Variants in FBXL17 observed in about 807,000 individuals in gnomAD.
FBXL17 encodes F-box/LRR-repeat protein 17.
A neutral mutation model predicts 66.2 loss-of-function variants in FBXL17; 22 were observed. The observed-to-expected ratio is 0.33, with a 90% CI of 0.24 to 0.47. The LOEUF (loss-of-function observed/expected upper bound fraction) is 0.47. Among genes scored for constraint, FBXL17 ranks in the 20% least tolerant of loss-of-function variants. The probability of loss-of-function intolerance (pLI) is 1.00; values close to 1 mark genes in which losing one functional copy is unlikely to be tolerated. For synonymous variants in FBXL17, 474 were observed against 400.5 expected (o/e 1.18, Z -2.19); for missense variants, 878 against 948.2 (o/e 0.93, Z 0.97).
At chr5:108,257,654 T>C (rs1185845445) in intron 4 of FBXL17, among the ~76,000 whole-genome samples, 1 of 152,144 alleles carries the variant, frequency 6.6e-6, no homozygotes, top group Non-Finnish European at 1.5e-5. Flanking sequence ...GACTAAATCC[T>C]TTCCAGGTTC....
intron 6 of FBXL17, among the ~76,000 whole-genome samples, chr5:108,033,080 CT>C (rs1430858751): frequency 1.3e-5 from 2 of 152,128 alleles, no homozygotes; most frequent in Non-Finnish European, 2.9e-5. Flanking sequence ...TCATTTTCCT[CT>C]GATATAATGG....
At position 108,149,828 on chromosome 5, in the gene FBXL17, CTTGA is replaced by C. The variant is rs373024827; in HGVS notation, c.1745+36285_1745+36288del. On this transcript the variant is annotated intron_variant, in intron 6 of 8. Coordinates refer to ENST00000542267, the MANE Select transcript of FBXL17 (RefSeq NM_001163315.3). ...ATGTTTTTAAAATATTCCTTTTTAC[CTTGA>C]TTATTTTTCTGCTCCTAAATCCAAT... 4.7e-4 allele frequency among the ~76,000 whole-genome samples: 72 copies of C among 152,004 alleles called. 1 individual carries two copies. The South Asian group carries it at 0.013, about 27-fold the overall frequency.
At chr5:107,882,103 C>A (rs375419562) in intron 7 of FBXL17, among the ~76,000 whole-genome samples, 64 of 152,292 alleles carry the variant, frequency 4.2e-4, no homozygotes, top group African/African-American at 1.4e-3. Flanking sequence ...TTATGGTGCA[C>A]TGGTTTGTGA....
chr5:108,103,803 G>A (rs1054785348), intron 6 of FBXL17, among the ~76,000 whole-genome samples: 2 of 152,096 alleles, frequency 1.3e-5, no homozygotes, highest in Non-Finnish European at 2.9e-5. Context: ...CGTAGTTTTT[G>A]TATTGACTAC....
intron 6 of FBXL17, among the ~76,000 whole-genome samples, chr5:108,150,639 T>C (rs985193555): frequency 1.3e-5 from 2 of 152,246 alleles, no homozygotes; most frequent in African/African-American, 4.8e-5. Flanking sequence ...TCTGTATCAG[T>C]TGTCTTGTGG....
chr5:108,022,884 C>T (rs1471210051), intron 6 of FBXL17, among the ~76,000 whole-genome samples: 1 of 151,928 alleles, frequency 6.6e-6, no homozygotes, highest in Non-Finnish European at 1.5e-5. Flanking sequence ...AAAGACTGTC[C>T]TAAAAACTGA....
intron 6 of FBXL17, among the ~76,000 whole-genome samples, chr5:108,053,080 A>G (rs1397166392): frequency 6.6e-6 from 1 of 152,248 alleles, no homozygotes; most frequent in African/African-American, 2.4e-5. Context: ...TGTAAAACCC[A>G]AAACCATAAA....
At chr5:108,137,864 G>C (rs1326563905) in intron 6 of FBXL17, among the ~76,000 whole-genome samples, 1 of 152,162 alleles carries the variant, frequency 6.6e-6, no homozygotes, top group African/African-American at 2.4e-5. Flanking sequence ...TGGATGAGTT[G>C]CTAAGAAATA....
chr5:107,975,457 CTTA>C lies in FBXL17; in HGVS notation c.1822+45465_1822+45467del, dbSNP rs573231108. The stretch of plus-strand genomic sequence containing the variant: ...ATTTTCACATCTCACATACCATCAG[CTTA>C]TAATGTATTTCCATTAAAAGCTATC... On this transcript the variant is annotated intron_variant, in intron 7 of 8. Transcript: ENST00000542267. Among the ~76,000 whole-genome samples, 51 of 152,304 alleles carry C rather than the reference CTTA, an allele frequency of 3.3e-4. 2 individuals are homozygous for C. In the South Asian group the frequency reaches 0.01, roughly 31 times the overall value.
intron 6 of FBXL17, among the ~76,000 whole-genome samples, chr5:108,083,250 C>CACACACACACAGAG (rs369652150): frequency 8.9e-5 from 13 of 145,582 alleles, no homozygotes; most frequent in Non-Finnish European, 1.8e-4. Context: ...CACACACACA[C>CACACACACACAGAG]AGAGAGAGAG....
At chr5:107,880,230 G>T in intron 8 of FBXL17, 1 of 345,490 alleles carries the variant, frequency 2.9e-6, no homozygotes, top group Non-Finnish European at 4.1e-6. Context: ...ATTATGCCTG[G>T]CTAATTTTTT....
intron 4 of FBXL17, among the ~76,000 whole-genome samples, chr5:108,344,821 T>C (rs1747149309): frequency 6.6e-6 from 1 of 152,230 alleles, no homozygotes. Flanking sequence ...AAAATAGCTT[T>C]GTGGCATGCA....
At chr5:107,994,970 C>A (rs931637292) in intron 7 of FBXL17, among the ~76,000 whole-genome samples, 19 of 152,140 alleles carry the variant, frequency 1.2e-4, no homozygotes, top group Admixed American at 5.2e-4. Flanking sequence ...ATACTGGTTA[C>A]CCTCGGGGTA....
intron 7 of FBXL17, among the ~76,000 whole-genome samples, chr5:107,991,679 T>A (rs551760178): frequency 1.3e-5 from 2 of 152,342 alleles, no homozygotes; most frequent in Non-Finnish European, 2.9e-5. Context: ...TATTCATCCC[T>A]CCTATTCCCC....
chr5:108,200,643 T>C (rs961611292), intron 5 of FBXL17, among the ~76,000 whole-genome samples: 3 of 151,764 alleles, frequency 2.0e-5, no homozygotes, highest in African/African-American at 7.3e-5. Flanking sequence ...AACCAAGCAT[T>C]TCCTCTGGTG....
chr5:107,876,080 C>G (rs533464339), intron 8 of FBXL17, among the ~76,000 whole-genome samples: 1 of 152,326 alleles, frequency 6.6e-6, no homozygotes, highest in East Asian at 1.9e-4. Flanking sequence ...AGTAACGTGG[C>G]CCTCACAGCC....
chr5:108,263,508 A>G (rs1288036337), intron 4 of FBXL17, among the ~76,000 whole-genome samples: 1 of 152,200 alleles, frequency 6.6e-6, no homozygotes, highest in Non-Finnish European at 1.5e-5. Context: ...TTTACATTCA[A>G]TGAAATACTT....
intron 5 of FBXL17, among the ~76,000 whole-genome samples, chr5:108,189,087 T>G (rs1332643486): frequency 6.6e-6 from 1 of 152,156 alleles, no homozygotes; most frequent in African/African-American, 2.4e-5. Context: ...CAACATCTTT[T>G]ATGAACAGGA....
chr5:108,140,295 C>A (rs1329920166), intron 6 of FBXL17, among the ~76,000 whole-genome samples: 1 of 152,200 alleles, frequency 6.6e-6, no homozygotes, highest in Non-Finnish European at 1.5e-5. Context: ...ACCCACCTGC[C>A]TCGGCCTCTC....
Sources: gnomAD v4.1 joint callset for allele counts (sites outside exome capture counted in the v4.1 genomes callset) on GRCh38, gnomAD v4.1.1 for gene constraint, MANE v1.5 for transcripts, NCBI Gene and HGNC (gene_info 2026-07-23, HGNC 2026-07-21) for gene names.